ABCB1: variants seen among roughly 807,000 people sequenced by gnomAD.
The protein encoded by ABCB1 is ATP-dependent translocase ABCB1.
In ABCB1, 69 loss-of-function variants were observed where a neutral mutation model predicts 142.0. That is an observed-to-expected ratio of 0.49 (90% confidence interval 0.40 to 0.59). ABCB1 has a LOEUF of 0.59. ABCB1 is among the 20% of genes least tolerant of loss of function. The probability of loss-of-function intolerance (pLI) is 0.00; values close to 1 mark genes in which losing one functional copy is unlikely to be tolerated. For missense variants in ABCB1, 1,326 were observed against 1,554.7 expected, an observed-to-expected ratio of 0.85 and a Z score of 2.47; for synonymous variants, 532 against 539.2, an observed-to-expected ratio of 0.99 and a Z score of 0.18.
chr7:87,537,454 G>A (rs1816349551), intron 19 of ABCB1, among the ~76,000 whole-genome samples: 1 of 152,190 alleles, frequency 6.6e-6, no homozygotes, highest in African/African-American at 2.4e-5. Flanking sequence ...AGATCAGTTA[G>A]GAAGCTTTTG....
intron 4 of ABCB1, among the ~76,000 whole-genome samples, chr7:87,577,931 C>T (rs1419379902): frequency 1.3e-5 from 2 of 152,088 alleles, no homozygotes; most frequent in East Asian, 1.9e-4. Flanking sequence ...TGATGTGATC[C>T]ATTTGTCCAT....
chr7:87,647,243 TTA>T (rs1823101120), intron 1 of ABCB1, among the ~76,000 whole-genome samples: 1 of 152,212 alleles, frequency 6.6e-6, no homozygotes, highest in Admixed American at 6.5e-5. Context: ...AAAGTCAAAA[TTA>T]TTTTCTTAAG....
At position 87,566,868 on chromosome 7, in the gene ABCB1, T is replaced by C. The variant is rs1817804792; in HGVS notation, c.447A>G (p.Lys149=). ...GTCGCATTATAGCATGAAAAAACTG[T>C]TTTCTAATTTTGTGTATTTGTCTTC... ...AAGRQIHKIR[K]QFFHAIMRQE... is the part of the protein sequence containing the mutation. Residue 149 remains lysine, a synonymous_variant, in exon 6 of 28, where the codon AAA becomes AAG. Coordinates refer to ENST00000622132, the MANE Select transcript of ABCB1 (RefSeq NM_001348946.2). 21 of 1,614,026 alleles carry C rather than the reference T, an allele frequency of 1.3e-5. No individual in the cohort carries two copies. In the East Asian group the frequency reaches 4.2e-4, roughly 33 times the overall value.
chr7:87,520,017 A>G (rs1815425376), intron 22 of ABCB1, among the ~76,000 whole-genome samples: 1 of 152,122 alleles, frequency 6.6e-6, no homozygotes, highest in African/African-American at 2.4e-5. Flanking sequence ...GGTCTCAGAG[A>G]AGGCTTTAAA....
rs780857986 is a variant in ABCB1 at position 87,544,160 on chromosome 7, G to A, written c.2180C>T (p.Ala727Val). ...CAIINGGLQP[A>V]FAIIFSKIIG... ...AATCTTTGAAAATATTATTGCAAAT[G>A]CTGGTTGCAGGCCTCCATTTATAAT... The change falls in exon 17 of 28, where the codon GCA becomes GTA. Residue 727 changes from alanine (A) to valine (V), a missense_variant. Coordinates refer to ENST00000622132, the MANE Select transcript of ABCB1 (RefSeq NM_001348946.2). 6.2e-7 allele frequency: 1 copy of A among 1,613,908 alleles called. No homozygotes were observed. The highest frequency in any genetic ancestry group is 1.1e-5 in the South Asian group (1 of 91,072).
chr7:87,601,611 G>A (rs1242650286), upstream of ABCB1, among the ~76,000 whole-genome samples: 2 of 152,116 alleles, frequency 1.3e-5, no homozygotes, highest in Non-Finnish European at 1.5e-5. Flanking sequence ...CATATTTACT[G>A]CCAACATTTA....
intron 6 of ABCB1, among the ~76,000 whole-genome samples, chr7:87,566,456 CAAG>C (rs538906736): frequency 3.3e-5 from 5 of 152,182 alleles, no homozygotes; most frequent in Admixed American, 6.5e-5. Context: ...ATCGTGTACA[CAAG>C]AAGTATTCAA....
intron 21 of ABCB1, among the ~76,000 whole-genome samples, chr7:87,527,217 A>T (rs374969827): frequency 7.9e-5 from 12 of 152,160 alleles, no homozygotes; most frequent in Admixed American, 5.9e-4. Flanking sequence ...CTGATCCTTA[A>T]TCTTACTTTT....
chr7:87,698,496 A>G (rs1439726101), intron 1 of ABCB1, among the ~76,000 whole-genome samples: 1 of 152,368 alleles, frequency 6.6e-6, no homozygotes, highest in Admixed American at 6.5e-5. Context: ...TATTTGTGCA[A>G]AATATTTGAT....
chr7:87,641,698 CAT>C (rs1374761860), intron 1 of ABCB1, among the ~76,000 whole-genome samples: 1 of 152,172 alleles, frequency 6.6e-6, no homozygotes, highest in Non-Finnish European at 1.5e-5. Context: ...CTCCAAAATA[CAT>C]ATTGTTTTGA....
chr7:87,701,814 T>C (rs1052456516), intron 1 of ABCB1, among the ~76,000 whole-genome samples: 1 of 152,148 alleles, frequency 6.6e-6, no homozygotes, highest in African/African-American at 2.4e-5. Flanking sequence ...TCTAATTATC[T>C]TGTAAAGACA....
At chr7:87,691,833 G>A (rs1291488664) in intron 1 of ABCB1, among the ~76,000 whole-genome samples, 2 of 152,168 alleles carry the variant, frequency 1.3e-5, no homozygotes, top group African/African-American at 4.8e-5. Context: ...TAAGGAGTAG[G>A]TCAGCTTGAA....
At position 87,611,128 on chromosome 7, in the gene ABCB1, C is replaced by A. The variant is rs188189926; in HGVS notation, c.-330-10050G>T. Among the ~76,000 whole-genome samples, 99 of 152,278 alleles carry A rather than the reference C, an allele frequency of 6.5e-4. 1 individual carries two copies. The East Asian group carries it at 0.016, about 25-fold the overall frequency. ...GACCATATCATATCCATGGGTAAGGCCTGCAAGGGCTTCCCACTGTTCTCA... is the reference window on the plus strand; with the variant it reads ...GACCATATCATATCCATGGGTAAGGACTGCAAGGGCTTCCCACTGTTCTCA... On this transcript the variant is annotated intron_variant, in intron 1 of 28. Coordinates refer to the ABCB1 transcript ENST00000265724.
chr7:87,539,428 G>A (rs1816434659), intron 18 of ABCB1, 83 bp from the exon 19 acceptor site: 6 of 1,395,904 alleles, frequency 4.3e-6, no homozygotes, highest in East Asian at 2.3e-5. Flanking sequence ...GCTAAAGCAG[G>A]AGATCAGACA....
At chr7:87,639,258 G>A (rs1350716760) in intron 1 of ABCB1, among the ~76,000 whole-genome samples, 1 of 151,858 alleles carries the variant, frequency 6.6e-6, no homozygotes. Flanking sequence ...GTTGTGCAGA[G>A]AACATATTCT....
intron 1 of ABCB1, among the ~76,000 whole-genome samples, chr7:87,694,665 A>C (rs928379323): frequency 2.0e-5 from 3 of 152,096 alleles, no homozygotes; most frequent in Non-Finnish European, 2.9e-5. Context: ...AGGAGTACGC[A>C]TTTATGTGTA....
Position 87,564,937 on chromosome 7 carries a change from T to A in ABCB1, c.702+1133A>T, listed in dbSNP as rs950703218. ...CTTAACATTCTAGTATACAGAAAAA[T>A]CAATTGACAAGAAGCTTTTGCCAAA... On this transcript the variant is annotated intron_variant, in intron 7 of 27. Coordinates refer to ENST00000622132, the MANE Select transcript of ABCB1 (RefSeq NM_001348946.2). 3.9e-5 allele frequency among the ~76,000 whole-genome samples: 6 copies of A among 152,254 alleles called. No individual in the cohort carries two copies. In the South Asian group the frequency reaches 6.2e-4, roughly 16 times the overall value.
chr7:87,542,922 T>C (rs1187183813), intron 17 of ABCB1, among the ~76,000 whole-genome samples: 2 of 152,224 alleles, frequency 1.3e-5, no homozygotes, highest in Non-Finnish European at 2.9e-5. Context: ...AAAAGTTTGC[T>C]GACTCCTGCC....
intron 1 of ABCB1, among the ~76,000 whole-genome samples, chr7:87,662,408 C>A (rs1824803526): frequency 6.6e-6 from 1 of 151,984 alleles, no homozygotes; most frequent in South Asian, 2.1e-4. Context: ...GTATTTAATC[C>A]ATTTTGATTT....
Sources: gnomAD v4.1 joint callset for allele counts (sites outside exome capture counted in the v4.1 genomes callset) on GRCh38, gnomAD v4.1.1 for gene constraint, MANE v1.5 for transcripts, NCBI Gene and HGNC (gene_info 2026-07-23, HGNC 2026-07-21) for gene names.